The following CCK variants were observed in gnomAD, a reference collection of about 807,000 sequenced individuals.
The protein encoded by CCK is cholecystokinin triacontatriapeptide.
Under a neutral mutation model 10.1 loss-of-function variants are expected in CCK, and 11 were observed. The ratio of observed to expected loss-of-function variants is 1.09; its 90% confidence interval spans 0.69 to 1.81. The LOEUF (loss-of-function observed/expected upper bound fraction) is 1.81, where lower values mean the gene tolerates loss of function less well. Ranked by LOEUF, CCK falls within the 40% of genes most tolerant of loss-of-function variation. The pLI is 0.00. For missense variants in CCK, 137 were observed against 159.9 expected (o/e 0.86, Z 0.77); for synonymous variants, 83 against 71.9 (o/e 1.15, Z -0.78).
At chr3:42,263,655 G>C in intron 3 of CCK, 23 bp from the exon 4 acceptor site, 1 of 1,506,254 alleles carries the variant, frequency 6.6e-7, no homozygotes. Flanking sequence ...AAGGAGGAGG[G>C]CGCGTTAACT....
chr3:42,260,092 A>G (rs1711190843), intron 4 of CCK, among the ~76,000 whole-genome samples: 2 of 152,234 alleles, frequency 1.3e-5, no homozygotes, highest in Non-Finnish European at 2.9e-5. Flanking sequence ...AAGTTTAATT[A>G]AAAACAGAAA....
intron 3 of CCK, among the ~76,000 whole-genome samples, chr3:42,264,425 A>T (rs1039150826): frequency 2.6e-5 from 4 of 152,222 alleles, no homozygotes; most frequent in Non-Finnish European, 5.9e-5. Context: ...TGTAACAGCT[A>T]GCAAACTCAA....
At chr3:42,258,504 G>A (rs577764749) in intron 4 of CCK, among the ~76,000 whole-genome samples, 3 of 152,300 alleles carry the variant, frequency 2.0e-5, no homozygotes, top group African/African-American at 7.2e-5. Context: ...ATTTTCTCTA[G>A]CCTTGCAGTC....
At chr3:42,263,989 A>C in intron 3 of CCK, 1 of 221,732 alleles carries the variant, frequency 4.5e-6, no homozygotes, top group Admixed American at 5.7e-5. Context: ...CGAGATTAAA[A>C]ATAGTGTGAA....
chr3:42,265,807 C>T lies in CCK; in HGVS notation c.-506G>A, dbSNP rs890678842. 2.6e-5 allele frequency: 4 copies of T among 152,390 alleles called. No individual in the cohort carries two copies. Among genetic ancestry groups the T allele is most frequent in the Admixed American group, 2.0e-4 (3 of 15,316 alleles). 9.4% of individuals were successfully genotyped at this position (152,390 alleles called of 1,614,324 possible). A position where few individuals can be genotyped will look rare whatever the true frequency, so the allele number is the denominator to read the frequency against. ...CTTTCCCTGCACGCGGTTACTCTCCCGGCTCCGGAGCGGGCCGACCTGGAG... is the reference window on the plus strand; with the variant it reads ...CTTTCCCTGCACGCGGTTACTCTCCTGGCTCCGGAGCGGGCCGACCTGGAG... On this transcript the variant is annotated 5_prime_UTR_variant, in exon 1 of 5. Coordinates refer to ENST00000396169, the MANE Select transcript of CCK (RefSeq NM_000729.6).
intron 3 of CCK, chr3:42,263,897 G>T: frequency 2.3e-6 from 1 of 440,462 alleles, no homozygotes; most frequent in Non-Finnish European, 3.9e-6. Flanking sequence ...TGAGCAGAAG[G>T]AATGTTTTTG....
intron 3 of CCK, among the ~76,000 whole-genome samples, chr3:42,264,405 C>T (rs1487498912): frequency 1.3e-5 from 2 of 152,120 alleles, no homozygotes; most frequent in Non-Finnish European, 1.5e-5. Flanking sequence ...CAAAGTCCCC[C>T]GCACCGCTGT....
In CCK at chr3:42,263,624, T is replaced by G. The variant is rs1334035355; in HGVS notation, c.7A>C (p.Ser3Arg). The G allele has an allele frequency of 1.3e-6, 2 of 1,589,026 alleles. No homozygotes were observed. Among genetic ancestry groups the G allele is most frequent in the Non-Finnish European group, 1.7e-6 (2 of 1,167,392 alleles). Residue 3 changes from serine (S) to arginine (R), a missense_variant, in exon 4 of 5, where the codon AGC (serine) becomes CGC (arginine). By Grantham distance (110) the Ser-to-Arg change is moderately radical. Coordinates refer to ENST00000396169, the MANE Select transcript of CCK (RefSeq NM_000729.6). ...ATCAGCACGCACAGGCACACGCCGC[T>G]GTTCATGGCTGTAGCGAGCAAAGGA... MN[S>R]GVCLCVLMAV...
chr3:42,259,574 A>C (rs886665743), intron 4 of CCK, among the ~76,000 whole-genome samples: 1 of 152,106 alleles, frequency 6.6e-6, no homozygotes, highest in Non-Finnish European at 1.5e-5. Context: ...GGGGGGAGAG[A>C]GGTGATAACA....
chr3:42,258,972 G>A (rs60912117), intron 4 of CCK, among the ~76,000 whole-genome samples: 36 of 152,318 alleles, frequency 2.4e-4, no homozygotes, highest in African/African-American at 8.4e-4. Context: ...ATCAATGATA[G>A]ACTGGATAAA....
chr3:42,260,600 T>C (rs1394309818), intron 4 of CCK, among the ~76,000 whole-genome samples: 1 of 152,196 alleles, frequency 6.6e-6, no homozygotes, highest in Non-Finnish European at 1.5e-5. Context: ...GGCTTACATC[T>C]GATGTATGGA....
At chr3:42,263,044 G>C in intron 4 of CCK, 1 of 359,954 alleles carries the variant, frequency 2.8e-6, no homozygotes, top group Admixed American at 4.2e-5. Flanking sequence ...TCCTGCTAGA[G>C]GATTTCCAAG....
chr3:42,259,250 AGAT>A (rs1711181342), intron 4 of CCK, among the ~76,000 whole-genome samples: 1 of 152,208 alleles, frequency 6.6e-6, no homozygotes, highest in Admixed American at 6.5e-5. Flanking sequence ...TACCTAATGT[AGAT>A]GACTGGTTGA....
chr3:42,263,318 G>A, intron 4 of CCK, 99 bp downstream of exon 4: 1 of 1,566,486 alleles, frequency 6.4e-7, no homozygotes, highest in Non-Finnish European at 8.8e-7. Flanking sequence ...TTCCTACCGA[G>A]AGAGGTCATC....
At chr3:42,262,496 A>G (rs1711231136) in intron 4 of CCK, among the ~76,000 whole-genome samples, 1 of 152,168 alleles carries the variant, frequency 6.6e-6, no homozygotes, top group African/African-American at 2.4e-5. Flanking sequence ...CTGGGATTAC[A>G]GGTGTGAGCC....
At chr3:42,258,309 TG>T in intron 4 of CCK, 78 bp from the exon 5 acceptor site, 1 of 1,517,710 alleles carries the variant, frequency 6.6e-7, no homozygotes, top group Non-Finnish European at 9.0e-7. Flanking sequence ...AGGAGAGCAA[TG>T]GAAAAAGCCA....
intron 4 of CCK, among the ~76,000 whole-genome samples, chr3:42,259,524 G>C (rs1207251602): frequency 2.0e-5 from 3 of 152,178 alleles, no homozygotes; most frequent in Non-Finnish European, 4.4e-5. Context: ...GAAAAAGACT[G>C]TCGGATTAAA....
intron 4 of CCK, among the ~76,000 whole-genome samples, chr3:42,260,558 C>T (rs1244695248): frequency 6.6e-6 from 1 of 152,204 alleles, no homozygotes; most frequent in Admixed American, 6.5e-5. Context: ...CCAGGGTCCT[C>T]ACTCACTTTC....
chr3:42,261,194 A>G (rs1711205274), intron 4 of CCK, among the ~76,000 whole-genome samples: 1 of 152,216 alleles, frequency 6.6e-6, no homozygotes, highest in Admixed American at 6.5e-5. Flanking sequence ...ATAAACTCTT[A>G]AGTACTGCTC....
Sources: allele counts gnomAD v4.1 joint callset (sites outside exome capture counted in the v4.1 genomes callset), GRCh38; gene constraint gnomAD v4.1.1; transcripts MANE v1.5; gene names NCBI Gene and HGNC (gene_info 2026-07-23, HGNC 2026-07-21).